The following CNTN5 variants were observed in gnomAD, a reference collection of about 807,000 sequenced individuals.
CNTN5 encodes the protein contactin 5.
In CNTN5, 77 loss-of-function variants were observed where a neutral mutation model predicts 129.1. The ratio of observed to expected loss-of-function variants is 0.60; its 90% CI spans 0.50 to 0.72. The LOEUF is 0.72. Ranked by LOEUF, CNTN5 falls within the 30% of genes least tolerant of loss-of-function variation. The probability of loss-of-function intolerance (pLI) is 0.00; values close to 1 mark genes in which losing one functional copy is unlikely to be tolerated. For missense variants in CNTN5, 1,478 were observed against 1,328.8 expected (o/e 1.11, Z -1.75); for synonymous variants, 509 against 465.6 (o/e 1.09, Z -1.20).
At chr11:100,218,080 G>A (rs915545899) in intron 15 of CNTN5, among the ~76,000 whole-genome samples, 8 of 152,180 alleles carry the variant, frequency 5.3e-5, no homozygotes, top group Non-Finnish European at 8.8e-5. Context: ...AAAGTGAACA[G>A]GTTGAATCTA....
At chr11:99,448,685 T>C (rs1029091352) in intron 2 of CNTN5, among the ~76,000 whole-genome samples, 4 of 151,936 alleles carry the variant, frequency 2.6e-5, no homozygotes, top group African/African-American at 4.8e-5. Context: ...GATGTGGAAA[T>C]TGAGGCTCAA....
intron 3 of CNTN5, among the ~76,000 whole-genome samples, chr11:99,795,037 C>G (rs1176286731): frequency 6.6e-6 from 1 of 152,152 alleles, no homozygotes; most frequent in Non-Finnish European, 1.5e-5. Context: ...CTTGCTTTCT[C>G]TGTCTCTTTT....
chr11:99,423,658 C>T (rs2135066121), intron 2 of CNTN5, among the ~76,000 whole-genome samples: 1 of 152,218 alleles, frequency 6.6e-6, no homozygotes, highest in South Asian at 2.1e-4. Context: ...CTTTAATGTG[C>T]ATAGGAATTG....
intron 3 of CNTN5, among the ~76,000 whole-genome samples, chr11:99,692,668 T>G (rs556854725): frequency 6.6e-6 from 1 of 152,250 alleles, no homozygotes; most frequent in Non-Finnish European, 1.5e-5. Flanking sequence ...CCCTCAATAT[T>G]TTTTCTTTTA....
Position 99,990,661 on chromosome 11 carries a change from A to G in CNTN5, c.878-11373A>G, listed in dbSNP as rs911633578. Among the ~76,000 whole-genome samples the G allele has an allele frequency of 2.6e-5, 4 of 152,028 alleles. No homozygotes were observed. In the South Asian group the frequency reaches 6.2e-4, roughly 24 times the overall value. ...TAGCAATCACTCACCTTAAGAAACT[A>G]TGATTCAGGATGATATACACTTTTT... On this transcript the variant is annotated intron_variant, in intron 8 of 24. Coordinates refer to ENST00000524871, the MANE Select transcript of CNTN5 (RefSeq NM_014361.4).
chr11:99,662,439 GC>G (rs2135920308), intron 3 of CNTN5, among the ~76,000 whole-genome samples: 1 of 152,222 alleles, frequency 6.6e-6, no homozygotes, highest in Non-Finnish European at 1.5e-5. Flanking sequence ...ATTAAAACAA[GC>G]TAGATAAAAG....
chr11:99,790,623 T>C (rs1263722900), intron 3 of CNTN5, among the ~76,000 whole-genome samples: 1 of 152,092 alleles, frequency 6.6e-6, no homozygotes, highest in African/African-American at 2.4e-5. Flanking sequence ...AATATTGCTA[T>C]GATGAATATA....
intron 3 of CNTN5, among the ~76,000 whole-genome samples, chr11:99,561,194 A>T (rs1239077249): frequency 2.0e-5 from 3 of 152,124 alleles, no homozygotes; most frequent in Admixed American, 6.5e-5. Flanking sequence ...CAAAACCAAA[A>T]CAAAACCAGA....
At chr11:99,596,477 A>G (rs1257401896) in intron 3 of CNTN5, among the ~76,000 whole-genome samples, 1 of 152,178 alleles carries the variant, frequency 6.6e-6, no homozygotes, top group African/African-American at 2.4e-5. Flanking sequence ...TTCAATCAGC[A>G]TTTTGTAAAC....
At chr11:100,031,617 A>G (rs373782410) in intron 9 of CNTN5, among the ~76,000 whole-genome samples, 3 of 152,102 alleles carry the variant, frequency 2.0e-5, no homozygotes, top group Admixed American at 6.6e-5. Flanking sequence ...TCCTGTTTCT[A>G]TGGATTTTTT....
intron 13 of CNTN5, among the ~76,000 whole-genome samples, chr11:100,094,765 AAAGGAAGGAAGGAAGGAAGG>A (rs57565481): frequency 3.1e-3 from 354 of 113,940 alleles, no homozygotes; most frequent in Admixed American, 7.3e-3. Flanking sequence ...GGGAGGGAGG[AAAGGAAGGAAGGAAGGAAGG>A]AAGGAAGGAA....
chr11:100,229,751 A>T (rs1949451925), intron 16 of CNTN5, among the ~76,000 whole-genome samples: 1 of 152,238 alleles, frequency 6.6e-6, no homozygotes. Flanking sequence ...ATTAGATTCT[A>T]AATTGATGTA....
At chr11:99,894,698 T>A (rs1320683764) in intron 6 of CNTN5, among the ~76,000 whole-genome samples, 1 of 152,030 alleles carries the variant, frequency 6.6e-6, no homozygotes, top group Non-Finnish European at 1.5e-5. Flanking sequence ...CCTTGGAAAG[T>A]TTTTTCACCT....
At chr11:99,767,160 GTTTA>G (rs1278041058) in intron 3 of CNTN5, among the ~76,000 whole-genome samples, 5 of 151,904 alleles carry the variant, frequency 3.3e-5, no homozygotes, top group African/African-American at 4.8e-5. Flanking sequence ...TCATGTATCT[GTTTA>G]TTTATTTATT....
chr11:100,269,927 T>C (rs1402685069), intron 17 of CNTN5, among the ~76,000 whole-genome samples: 1 of 152,206 alleles, frequency 6.6e-6, no homozygotes, highest in African/African-American at 2.4e-5. Context: ...CCTTCTTCTC[T>C]TTTGTATGTT....
chr11:99,642,488 A>C (rs984315477), intron 3 of CNTN5, among the ~76,000 whole-genome samples: 1 of 152,172 alleles, frequency 6.6e-6, no homozygotes, highest in Non-Finnish European at 1.5e-5. Flanking sequence ...ATTAGTTGAC[A>C]CATAGTAATT....
At chr11:99,991,701 T>A (rs1432524343) in intron 8 of CNTN5, among the ~76,000 whole-genome samples, 1 of 152,104 alleles carries the variant, frequency 6.6e-6, no homozygotes, top group Non-Finnish European at 1.5e-5. Context: ...GCAAACTACT[T>A]CCCTCCATGT....
chr11:99,608,236 G>C (rs1466015303), intron 3 of CNTN5, among the ~76,000 whole-genome samples: 1 of 152,018 alleles, frequency 6.6e-6, no homozygotes, highest in Admixed American at 6.6e-5. Flanking sequence ...TCCCATCTAT[G>C]CTGCATACTA....
intron 1 of CNTN5, among the ~76,000 whole-genome samples, chr11:99,317,392 T>C (rs1865387365): frequency 1.3e-5 from 2 of 152,194 alleles, no homozygotes; most frequent in South Asian, 2.1e-4. Context: ...GATGTAGCAA[T>C]ATGACTTCTA....
Sources: gnomAD v4.1 joint callset for allele counts (sites outside exome capture counted in the v4.1 genomes callset) on GRCh38, gnomAD v4.1.1 for gene constraint, MANE v1.5 for transcripts, NCBI Gene and HGNC (gene_info 2026-07-23, HGNC 2026-07-21) for gene names.